Variants in SIM2 observed in about 807,000 individuals in gnomAD.
The protein encoded by SIM2 is SIM bHLH transcription factor 2.
SIM2 carries 28 observed loss-of-function variants against 64.8 expected under a neutral mutation model. The observed-to-expected ratio is 0.43, with a 90% CI of 0.32 to 0.59. The LOEUF is 0.59. Ranked by LOEUF, SIM2 falls within the 20% of genes least tolerant of loss-of-function variation. SIM2 has a pLI of 0.07. For synonymous variants in SIM2, 408 were observed against 391.1 expected, an observed-to-expected ratio of 1.04 and a Z score of -0.51; for missense variants, 847 against 871.4, an observed-to-expected ratio of 0.97 and a Z score of 0.35.
intron 3 of SIM2, among the ~76,000 whole-genome samples, chr21:36,715,602 T>C (rs897740425): frequency 2.0e-5 from 3 of 152,252 alleles, no homozygotes; most frequent in Admixed American, 2.0e-4. Context: ...TCAATGACAT[T>C]ATCTTATTAA....
chr21:36,724,238 C>T (rs1296019473), intron 5 of SIM2, among the ~76,000 whole-genome samples: 1 of 152,194 alleles, frequency 6.6e-6, no homozygotes, highest in Non-Finnish European at 1.5e-5. Context: ...CTCTTTGGGC[C>T]ACGGTGGGGC....
At chr21:36,736,780 CTTT>C (rs2089057671) in intron 7 of SIM2, among the ~76,000 whole-genome samples, 1 of 80,104 alleles carries the variant, frequency 1.2e-5, no homozygotes, top group African/African-American at 6.2e-5. Context: ...TTCTTTCTTT[CTTT>C]TCCTTCTTTC....
In SIM2 at chr21:36,741,767, C is replaced by A; in HGVS notation, c.901C>A (p.Arg301=). 6.2e-7 allele frequency: 1 copy of A among 1,613,218 alleles called. No individual in the cohort carries two copies. Residue 301 remains arginine, a synonymous_variant, in exon 8 of 11, where the codon CGG becomes AGG. Transcript: ENST00000290399. Reference sequence around the variant, plus strand: ...CAAGTACTACCGGCTGCTGTCCAAGCGGGGCGGCTGGGTGTGGGTGCAGAG... The same window carrying A: ...CAAGTACTACCGGCTGCTGTCCAAGAGGGGCGGCTGGGTGTGGGTGCAGAG... ...TTKYYRLLSK[R]GGWVWVQSYA... is the part of the protein sequence containing the mutation.
At chr21:36,746,514 A>C (rs150671809) in intron 10 of SIM2, among the ~76,000 whole-genome samples, 239 of 152,270 alleles carry the variant, frequency 1.6e-3, no homozygotes, top group African/African-American at 5.4e-3. Flanking sequence ...CTGAGATAAC[A>C]TTTCTTCCCA....
rs554623085 is a variant in SIM2 at position 36,700,008 on chromosome 21, G to C, written c.175+87G>C. On this transcript the variant is annotated intron_variant, in intron 1 of 10. Transcript: ENST00000290399. Reference sequence around the variant, plus strand: ...AAGCGCAAGCCAGCCCGCCCAGAGGGGTTGCCGCGGCCTGGCGTCCAGAGC... The same window carrying C: ...AAGCGCAAGCCAGCCCGCCCAGAGGCGTTGCCGCGGCCTGGCGTCCAGAGC... 5.1e-6 allele frequency: 7 copies of C among 1,375,496 alleles called. No individual in the cohort carries two copies. In the Admixed American group the frequency reaches 1.4e-4, roughly 27 times the overall value. 85.2% of individuals were successfully genotyped at this position (1,375,496 alleles called of 1,614,324 possible). A position where few individuals can be genotyped will look rare whatever the true frequency, so the allele number is the denominator to read the frequency against.
intron 5 of SIM2, among the ~76,000 whole-genome samples, chr21:36,723,750 T>C (rs1359956619): frequency 1.3e-5 from 2 of 152,212 alleles, no homozygotes; most frequent in Admixed American, 6.5e-5. Flanking sequence ...CCCATGCTCC[T>C]CCCTGGCTCC....
chr21:36,742,153 G>A (rs2089169848), intron 8 of SIM2, among the ~76,000 whole-genome samples: 2 of 152,042 alleles, frequency 1.3e-5, no homozygotes, highest in East Asian at 3.9e-4. Context: ...CTAGTGAGGA[G>A]CATGGGGGCG....
Position 36,726,195 on chromosome 21 carries a change from T to C in SIM2, c.620T>C (p.Ile207Thr), listed in dbSNP as rs777973757. 1.5e-5 allele frequency: 25 copies of C among 1,613,900 alleles called. 1 individual carries two copies. In the Admixed American group the frequency reaches 3.0e-4, roughly 19 times the overall value. The change falls in exon 6 of 11, where the codon ATT becomes ACT. Residue 207 changes from isoleucine to threonine, a missense_variant. By Grantham distance (89) the Ile-to-Thr change is moderately conservative. This residue lies in a region of SIM2 where 397 missense variants were observed against 439.2 expected (regional missense o/e 0.90). Coordinates refer to ENST00000290399, the MANE Select transcript of SIM2 (RefSeq NM_005069.6). The surrounding 1 kb of genome is among the most constrained non-coding windows in gnomAD (Gnocchi z 4.5). ...DMSLYDSCYQ[I>T]VGLVAVGQSL... Reference sequence around the variant, plus strand: ...TCCCTGTACGACTCCTGCTACCAGATTGTGGGGCTGGTGGCCGTGGGCCAG... The same window carrying C: ...TCCCTGTACGACTCCTGCTACCAGACTGTGGGGCTGGTGGCCGTGGGCCAG...
At chr21:36,736,778 T>C (rs1261879283) in intron 7 of SIM2, among the ~76,000 whole-genome samples, 1 of 101,206 alleles carries the variant, frequency 9.9e-6, no homozygotes, top group Non-Finnish European at 1.9e-5. Context: ...TCTTCTTTCT[T>C]TCTTTTCCTT....
chr21:36,706,175 G>T (rs2088578318), intron 1 of SIM2, among the ~76,000 whole-genome samples: 3 of 152,334 alleles, frequency 2.0e-5, no homozygotes, highest in African/African-American at 7.2e-5. Context: ...GTGAGGAACG[G>T]CAGGCAGGGT....
At chr21:36,734,460 G>A (rs1181040289) in intron 7 of SIM2, among the ~76,000 whole-genome samples, 2 of 152,190 alleles carry the variant, frequency 1.3e-5, no homozygotes, top group Non-Finnish European at 2.9e-5. Flanking sequence ...GACAGTGATT[G>A]CTACTGTCCT....
chr21:36,738,188 T>C (rs1026451057), intron 7 of SIM2, among the ~76,000 whole-genome samples: 1 of 151,858 alleles, frequency 6.6e-6, no homozygotes, highest in Non-Finnish European at 1.5e-5. Context: ...CTCACCCCCA[T>C]ACGTATTATT....
At chr21:36,737,982 A>AAAAG (rs2089095780) in intron 7 of SIM2, among the ~76,000 whole-genome samples, 1 of 88,788 alleles carries the variant, frequency 1.1e-5, no homozygotes, top group African/African-American at 3.4e-5. Context: ...AAAAAAAAAA[A>AAAAG]GCAAAAAAAA....
At chr21:36,708,239 G>T (rs899260076) in intron 1 of SIM2, among the ~76,000 whole-genome samples, 2 of 152,222 alleles carry the variant, frequency 1.3e-5, no homozygotes, top group African/African-American at 4.8e-5. Flanking sequence ...GCTAAGCGCC[G>T]CAGCCTCGCC....
At chr21:36,725,627 T>C (rs1047923947) in intron 5 of SIM2, among the ~76,000 whole-genome samples, 4 of 152,200 alleles carry the variant, frequency 2.6e-5, no homozygotes, top group African/African-American at 9.7e-5. Context: ...TTTATTATGA[T>C]ATTTTTTGTT....
intron 4 of SIM2, among the ~76,000 whole-genome samples, chr21:36,721,769 T>A (rs2088825367): frequency 5.3e-5 from 8 of 152,160 alleles, no homozygotes. Flanking sequence ...TGTATGGGAC[T>A]GGGCTTTCTC....
chr21:36,734,279 C>G (rs998874427), intron 7 of SIM2, among the ~76,000 whole-genome samples: 2 of 152,094 alleles, frequency 1.3e-5, no homozygotes, highest in East Asian at 3.9e-4. Context: ...GATGAAGCCA[C>G]TTTATCTCAC....
At chr21:36,724,534 C>G (rs1300982125) in intron 5 of SIM2, among the ~76,000 whole-genome samples, 1 of 152,200 alleles carries the variant, frequency 6.6e-6, no homozygotes, top group Non-Finnish European at 1.5e-5. Flanking sequence ...CTGCCTTGGC[C>G]TCCCAAAGTG....
chr21:36,742,210 C>A (rs1404689547), intron 8 of SIM2, among the ~76,000 whole-genome samples: 1 of 151,928 alleles, frequency 6.6e-6, no homozygotes, highest in Non-Finnish European at 1.5e-5. Context: ...AGGGTGCACA[C>A]CCCCCATCAA....
Sources: allele counts gnomAD v4.1 joint callset (sites outside exome capture counted in the v4.1 genomes callset), GRCh38; gene constraint gnomAD v4.1.1; regional missense constraint gnomAD v4.1.1; non-coding constraint Gnocchi (gnomAD v3.1); transcripts MANE v1.5; gene names NCBI Gene and HGNC (gene_info 2026-07-23, HGNC 2026-07-21).